TBC1D9B: variants seen among roughly 807,000 people sequenced by gnomAD.
TBC1D9B encodes TBC1 domain family, member 9B (with GRAM domain).
Under a neutral mutation model 121.1 loss-of-function variants are expected in TBC1D9B, and 87 were observed. That is an observed-to-expected ratio of 0.72 (90% CI 0.60 to 0.86). TBC1D9B has a LOEUF of 0.86. Ranked by LOEUF, TBC1D9B falls within the 40% of genes least tolerant of loss-of-function variation. The pLI is 0.00. For missense variants in TBC1D9B, 1,540 were observed against 1,628.6 expected (o/e 0.95, Z 0.94); for synonymous variants, 668 against 670.1 (o/e 1.00, Z 0.05).
At position 179,870,322 on chromosome 5, in the gene TBC1D9B, G is replaced by A; in HGVS notation, c.2658C>T (p.Arg886=). Residue 886 remains arginine, a synonymous_variant, in exon 16 of 21, where the codon CGC becomes CGT. Transcript: ENST00000355235. The stretch of plus-strand genomic sequence containing the variant: ...TGTTTTCGTCCAGGAGCCTGAACAT[G>A]CGCCCTGCCAGCAGAGGTGTGTGGG... ...CGSHTPLLAG[R]MFRLLDENKD... 1 of 1,613,896 alleles carries A rather than the reference G, an allele frequency of 6.2e-7. No individual in the cohort carries two copies.
intron 18 of TBC1D9B, 100 bp downstream of exon 18, chr5:179,867,678 G>A: frequency 2.6e-6 from 4 of 1,561,418 alleles, no homozygotes; most frequent in Non-Finnish European, 3.5e-6. Context: ...TGCTCCCTGA[G>A]CCCAGGTGGG....
At chr5:179,873,041 C>A in intron 13 of TBC1D9B, 51 bp from the exon 14 acceptor site, 1 of 1,613,332 alleles carries the variant, frequency 6.2e-7, no homozygotes, top group Non-Finnish European at 8.5e-7. Flanking sequence ...GGGCAGAGGG[C>A]CACCACCTGC....
At position 179,862,410 on chromosome 5, in the gene TBC1D9B, A is replaced by G. The variant is rs1265246420; in HGVS notation, c.*1038T>C. The G allele has an allele frequency of 8.1e-6, 3 of 371,594 alleles. No individual in the cohort carries two copies. In the East Asian group the frequency reaches 2.2e-4, roughly 28 times the overall value. 23.0% of individuals were successfully genotyped at this position (371,594 alleles called of 1,614,324 possible). A position where few individuals can be genotyped will look rare whatever the true frequency, so the allele number is the denominator to read the frequency against. On this transcript the variant is annotated 3_prime_UTR_variant, in exon 21 of 21. Coordinates refer to ENST00000355235, the MANE Select transcript of TBC1D9B (RefSeq NM_015043.4). ...CCCCTGCGGTCACCTTTGGCTCCAC[A>G]GTCTGGTTCTTGAACCCAAGGGCAG...
At chr5:179,864,271 C>A in intron 20 of TBC1D9B, 143 bp from the exon 21 acceptor site, 1 of 816,006 alleles carries the variant, frequency 1.2e-6, no homozygotes, top group East Asian at 2.7e-5. Flanking sequence ...TCATCAGTCC[C>A]ATCTCACAGA....
At chr5:179,881,788 G>A (rs1235741247) in intron 7 of TBC1D9B, among the ~76,000 whole-genome samples, 1 of 151,904 alleles carries the variant, frequency 6.6e-6, no homozygotes, top group African/African-American at 2.4e-5. Context: ...TTTTTAAGAT[G>A]TCAGTTCCCT....
At chr5:179,887,994 G>A (rs1369732055) in intron 7 of TBC1D9B, 109 bp downstream of exon 7, 25 of 1,375,034 alleles carry the variant, frequency 1.8e-5, no homozygotes, top group Middle Eastern at 2.5e-4. Context: ...ACCCCTAGGC[G>A]GAGGCCCACA....
At position 179,891,714 on chromosome 5, in the gene TBC1D9B, T is replaced by G. The variant is rs914649848; in HGVS notation, c.837-128A>C. The G allele has an allele frequency of 1.0e-6, 1 of 1,001,506 alleles. No individual in the cohort carries two copies. Among genetic ancestry groups the G allele is most frequent in the Non-Finnish European group, 1.5e-6 (1 of 685,264 alleles). 62.0% of individuals were successfully genotyped at this position (1,001,506 alleles called of 1,614,324 possible). On this transcript the variant is annotated intron_variant, in intron 5 of 20. Transcript: ENST00000355235. The surrounding 1 kb of genome is among the most constrained non-coding windows in gnomAD (Gnocchi z 4.3). ...ATTCAGGATCCCTGGGGTGGTCCCT[T>G]GAGCAAGTCATGCTCAGGGACCTCA...
At chr5:179,866,045 C>T (rs753242227) in intron 18 of TBC1D9B, 157 bp from the exon 19 acceptor site, 72 of 737,762 alleles carry the variant, frequency 9.8e-5, no homozygotes, top group Non-Finnish European at 1.4e-4. Flanking sequence ...CTGCCTGGCC[C>T]GCCCAGCCCC....
In TBC1D9B at chr5:179,874,777, C is replaced by T; in HGVS notation, c.2186+125G>A. Reference sequence around the variant, plus strand: ...GAGCCGCCTCCTGACCCCAGAGCACCCCCGGGTCCAGCTGCAGCCTGGCAC... The same window carrying T: ...GAGCCGCCTCCTGACCCCAGAGCACTCCCGGGTCCAGCTGCAGCCTGGCAC... On this transcript the variant is annotated intron_variant, in intron 12 of 20. Coordinates refer to ENST00000355235, the MANE Select transcript of TBC1D9B (RefSeq NM_015043.4). The surrounding 1 kb of genome is among the most constrained non-coding windows in gnomAD (Gnocchi z 4.3). 7.1e-7 allele frequency: 1 copy of T among 1,411,138 alleles called. No homozygotes were observed. The highest frequency in any genetic ancestry group is 9.5e-7 in the Non-Finnish European group (1 of 1,053,970). 87.4% of individuals were successfully genotyped at this position (1,411,138 alleles called of 1,614,324 possible).
chr5:179,872,613 C>T (rs567751385), intron 14 of TBC1D9B: 62 of 455,792 alleles, frequency 1.4e-4, no homozygotes, highest in Admixed American at 8.9e-4. Context: ...CCAGGCTGGG[C>T]GGGCTCGGCC....
chr5:179,898,724 T>C (rs996944503), intron 3 of TBC1D9B, among the ~76,000 whole-genome samples: 3 of 152,068 alleles, frequency 2.0e-5, no homozygotes, highest in African/African-American at 7.2e-5. Flanking sequence ...GCTGGGATTA[T>C]AGGTGTGGGC....
At position 179,902,512 on chromosome 5, in the gene TBC1D9B, G is replaced by C. The variant is rs1278059382; in HGVS notation, c.229+2190C>G. The stretch of plus-strand genomic sequence containing the variant: ...GGAGGCACAGCCAGGGCCAGTGCAG[G>C]GCTTTGGGCCTGGCAGGAGGGGAGA... On this transcript the variant is annotated intron_variant, in intron 2 of 20. Transcript: ENST00000355235. This position sits in a 1 kb window ranked among gnomAD's most constrained non-coding sequence, Gnocchi z 4.9. Among the ~76,000 whole-genome samples the C allele has an allele frequency of 6.6e-6, 1 of 152,170 alleles. No homozygotes were observed. The highest frequency in any genetic ancestry group is 2.1e-4 in the South Asian group (1 of 4,830).
In TBC1D9B at chr5:179,870,333, G is replaced by A. The variant is rs147261874; in HGVS notation, c.2647C>T (p.Leu883=). ...PWACGSHTPL[L]AGRMFRLLDE... is the part of the protein sequence containing the mutation. The stretch of plus-strand genomic sequence containing the variant: ...AGGAGCCTGAACATGCGCCCTGCCA[G>A]CAGAGGTGTGTGGGAGCCACAGGCC... The change falls in exon 16 of 21, where the codon CTG becomes TTG. Residue 883 remains leucine (L), a synonymous_variant. Coordinates refer to ENST00000355235, the MANE Select transcript of TBC1D9B (RefSeq NM_015043.4). 1 of 1,613,796 alleles carries A rather than the reference G, an allele frequency of 6.2e-7. No individual in the cohort carries two copies. Among genetic ancestry groups the A allele is most frequent in the Non-Finnish European group, 8.5e-7 (1 of 1,180,044 alleles).
chr5:179,904,429 G>A lies in TBC1D9B; in HGVS notation c.229+273C>T, dbSNP rs1054334681. Among the ~76,000 whole-genome samples, 1 of 152,032 alleles carries A rather than the reference G, an allele frequency of 6.6e-6. No individual in the cohort carries two copies. The highest frequency in any genetic ancestry group is 2.4e-5 in the African/African-American group (1 of 41,386). ...TTTAGTAGAGACGTGGTTTCACCGT[G>A]TTAGCCAGGATGGTCTCGATCTCCT... On this transcript the variant is annotated intron_variant, in intron 2 of 20. Coordinates refer to ENST00000355235, the MANE Select transcript of TBC1D9B (RefSeq NM_015043.4). The surrounding 1 kb of genome is among the most constrained non-coding windows in gnomAD (Gnocchi z 4.2).
Position 179,878,479 on chromosome 5 carries a change from G to C in TBC1D9B, c.1612C>G (p.Leu538Val), listed in dbSNP as rs1370363266. 2.5e-6 allele frequency: 4 copies of C among 1,611,502 alleles called. No individual in the cohort carries two copies. Among genetic ancestry groups the C allele is most frequent in the African/African-American group, 1.3e-5 (1 of 74,914 alleles). ...MVTHPGYYAELVEKSTGKYSL... is the reference protein window; with the variant it reads ...MVTHPGYYAEVVEKSTGKYSL... ...TACTTCCCGGTGGACTTCTCCACCA[G>C]CTCAGCATAGTACCCGGGGTGAGTC... The change falls in exon 10 of 21, where the codon CTG (leucine) becomes GTG (valine). Residue 538 changes from leucine to valine, a missense_variant. Physicochemically the swap from Leu to Val is conservative, Grantham distance 32. Coordinates refer to ENST00000355235, the MANE Select transcript of TBC1D9B (RefSeq NM_015043.4).
chr5:179,866,300 G>A (rs1582072457), intron 18 of TBC1D9B: 2 of 188,110 alleles, frequency 1.1e-5, no homozygotes, highest in South Asian at 2.1e-4. Flanking sequence ...TTCCACCCGC[G>A]CCTGCTGTGC....
chr5:179,879,536 T>C (rs1760468240), intron 8 of TBC1D9B, 92 bp downstream of exon 8: 1 of 1,594,314 alleles, frequency 6.3e-7, no homozygotes, highest in Non-Finnish European at 8.6e-7. Context: ...CCCAGGGCCC[T>C]GAGGGAAGGC....
chr5:179,885,165 A>T lies in TBC1D9B; in HGVS notation c.1254+2938T>A, dbSNP rs1318031269. Among the ~76,000 whole-genome samples, 1 of 152,182 alleles carries T rather than the reference A, an allele frequency of 6.6e-6. No homozygotes were observed. The highest frequency in any genetic ancestry group is 1.5e-5 in the Non-Finnish European group (1 of 68,036). ...CCCAAGAGAGATGATGAGAGCCACA[A>T]ATGTAATTGTAAATTTTCTAGTAGC... On this transcript the variant is annotated intron_variant, in intron 7 of 20. Coordinates refer to ENST00000355235, the MANE Select transcript of TBC1D9B (RefSeq NM_015043.4). The surrounding 1 kb of genome is among the most constrained non-coding windows in gnomAD (Gnocchi z 4.5).
intron 16 of TBC1D9B, 27 bp downstream of exon 16, chr5:179,870,228 C>A (rs752390043): frequency 6.2e-7 from 1 of 1,611,922 alleles, no homozygotes; most frequent in Non-Finnish European, 8.5e-7. Flanking sequence ...GAGGGTCAAG[C>A]CCCTGGTAGG....
Sources: allele counts gnomAD v4.1 joint callset (sites outside exome capture counted in the v4.1 genomes callset), GRCh38; gene constraint gnomAD v4.1.1; non-coding constraint Gnocchi (gnomAD v3.1); transcripts MANE v1.5; gene names NCBI Gene and HGNC (gene_info 2026-07-23, HGNC 2026-07-21).